The following CEP63 variants were observed in gnomAD, a reference collection of about 807,000 sequenced individuals.
The protein encoded by CEP63 is centrosomal protein 63.
Under a neutral mutation model 89.1 loss-of-function variants are expected in CEP63, and 84 were observed. That is an observed-to-expected ratio of 0.94 (90% confidence interval 0.79 to 1.13). The LOEUF (loss-of-function observed/expected upper bound fraction) is 1.13, where lower values mean the gene tolerates loss of function less well. CEP63 is among the 50% of genes most tolerant of loss of function. The pLI is 0.00. For synonymous variants in CEP63, 267 were observed against 272.5 expected, an observed-to-expected ratio of 0.98 and a Z score of 0.20; for missense variants, 838 against 813.3, an observed-to-expected ratio of 1.03 and a Z score of -0.37.
At chr3:134,486,707 C>T (rs1317119113) in intron 1 of CEP63, 1 of 215,916 alleles carries the variant, frequency 4.6e-6, no homozygotes, top group African/African-American at 2.3e-5. Flanking sequence ...GGGACCCGCT[C>T]ATTTAGTGTG....
At chr3:134,572,246 T>C (rs1187472267) in intron 11 of CEP63, among the ~76,000 whole-genome samples, 1 of 152,238 alleles carries the variant, frequency 6.6e-6, no homozygotes, top group Non-Finnish European at 1.5e-5. Context: ...TTAGTCTTTT[T>C]TTAAAAAATA....
intron 3 of CEP63, among the ~76,000 whole-genome samples, chr3:134,520,564 T>A (rs1305171973): frequency 1.3e-5 from 2 of 152,186 alleles, no homozygotes; most frequent in Non-Finnish European, 2.9e-5. Context: ...ATTCTCAAAT[T>A]TATATGGCAG....
At chr3:134,729,829 G>T in the CEP63 span, among the ~76,000 whole-genome samples, 5 of 152,170 alleles carry the variant, frequency 3.3e-5, no homozygotes, top group Non-Finnish European at 7.3e-5. Context: ...GGGGCAGGGC[G>T]GGTTGTGTGA....
At chr3:134,725,799 C>A in the CEP63 span, among the ~76,000 whole-genome samples, 1 of 152,158 alleles carries the variant, frequency 6.6e-6, no homozygotes, top group Non-Finnish European at 1.5e-5. Context: ...TTTCTGCTAC[C>A]TGGCGTTAGT....
At chr3:134,524,322 C>T (rs1041078074) in intron 3 of CEP63, among the ~76,000 whole-genome samples, 4 of 152,112 alleles carry the variant, frequency 2.6e-5, no homozygotes, top group Non-Finnish European at 4.4e-5. Context: ...AGGATCATGT[C>T]GTCTACAAAC....
the CEP63 span, among the ~76,000 whole-genome samples, chr3:134,716,991 T>A: frequency 6.6e-6 from 1 of 152,170 alleles, no homozygotes; most frequent in Non-Finnish European, 1.5e-5. Context: ...GGCTGCCAAA[T>A]CTGTGCCAGG....
rs751861638 is a variant in CEP63 at position 134,558,239 on chromosome 3, A to G, written c.1565A>G (p.Asn522Ser). 15 of 1,612,038 alleles carry G rather than the reference A, an allele frequency of 9.3e-6. No individual in the cohort carries two copies. The highest frequency in any genetic ancestry group is 7.7e-5 in the South Asian group (7 of 91,038). Residue 522 changes from asparagine to serine, a missense_variant, in exon 13 of 15, where the codon AAT (asparagine) becomes AGT (serine). Asn to Ser is a conservative substitution (Grantham distance 46). Coordinates refer to ENST00000675561, the MANE Select transcript of CEP63 (RefSeq NM_001353108.3). Reference protein sequence around the residue: ...ENQQLQKDLMNTKSQLEISTQ... With the variant: ...ENQQLQKDLMSTKSQLEISTQ... ...CAACAACTACAGAAAGATTTGATGA[A>G]TACCAAATCTCAGCTGGAGATTTCT...
At chr3:134,584,484 G>C (rs1958435446) in intron 10 of CEP63, among the ~76,000 whole-genome samples, 1 of 152,162 alleles carries the variant, frequency 6.6e-6, no homozygotes, top group African/African-American at 2.4e-5. Flanking sequence ...TACATTTGTT[G>C]ATTTGCATAT....
intron 14 of CEP63, 77 bp from the exon 15 acceptor site, chr3:134,561,300 A>AAAATG: frequency 7.1e-7 from 1 of 1,405,892 alleles, no homozygotes; most frequent in Non-Finnish European, 1.0e-6. Flanking sequence ...TGCTAGTTAG[A>AAAATG]AAATGTCATG....
At chr3:134,750,256 C>A in the CEP63 span, among the ~76,000 whole-genome samples, 75 of 152,338 alleles carry the variant, frequency 4.9e-4, no homozygotes, top group Admixed American at 4.2e-3. Context: ...GGGCCCCTGG[C>A]TGCAGTCTCT....
the CEP63 span, chr3:134,651,195 G>A: frequency 7.4e-7 from 1 of 1,344,608 alleles, no homozygotes; most frequent in Non-Finnish European, 9.6e-7. Context: ...ACCTTTGAAA[G>A]GAAATCCCCG....
chr3:134,497,857 G>C (rs1377116992), intron 2 of CEP63, among the ~76,000 whole-genome samples: 1 of 151,934 alleles, frequency 6.6e-6, no homozygotes, highest in Non-Finnish European at 1.5e-5. Context: ...TATGTTATTG[G>C]CACCTTTGTT....
the CEP63 span, chr3:134,607,411 C>T: frequency 4.1e-6 from 4 of 985,524 alleles, no homozygotes; most frequent in African/African-American, 7.0e-5. Flanking sequence ...CCCAGGGGCT[C>T]TGGGCCCACC....
At chr3:134,534,917 T>C (rs1301106065) in intron 5 of CEP63, among the ~76,000 whole-genome samples, 3 of 152,166 alleles carry the variant, frequency 2.0e-5, no homozygotes, top group African/African-American at 7.2e-5. Flanking sequence ...CTTCCAACTC[T>C]TGTGTCCACC....
Position 134,547,357 on chromosome 3 carries a change from G to A in CEP63, c.952G>A (p.Glu318Lys), listed in dbSNP as rs375298179. 8.7e-6 allele frequency: 14 copies of A among 1,613,640 alleles called. No homozygotes were observed. The highest frequency in any genetic ancestry group is 1.2e-5 in the Non-Finnish European group (14 of 1,179,670). The change falls in exon 9 of 15, where the codon GAA (glutamate) becomes AAA (lysine). Residue 318 changes from glutamate to lysine, a missense_variant. By Grantham distance (56) the Glu-to-Lys change is moderately conservative (BLOSUM62 1). Transcript: ENST00000675561. ...AIRPREESLA[E>K]KKYTSQGQGD... is the part of the protein sequence containing the mutation. ...TAGGCCACGGGAAGAATCTCTGGCA[G>A]AAAAGAAGTACACCTCTCAAGGGCA...
intron 5 of CEP63, chr3:134,536,197 A>G (rs1016191503): frequency 5.9e-5 from 9 of 152,262 alleles, no homozygotes; most frequent in Admixed American, 2.0e-4. Flanking sequence ...AACGTGTATT[A>G]CCATCTGCTA....
the CEP63 span, among the ~76,000 whole-genome samples, chr3:134,643,764 G>C: frequency 6.6e-6 from 1 of 151,924 alleles, no homozygotes; most frequent in Non-Finnish European, 1.5e-5. Flanking sequence ...TGTGGAGCAG[G>C]CTGGGAGGTT....
At chr3:134,605,970 C>T in the CEP63 span, among the ~76,000 whole-genome samples, 2 of 152,314 alleles carry the variant, frequency 1.3e-5, no homozygotes, top group South Asian at 4.1e-4. Context: ...TGTCTACATG[C>T]TTTCTCTACT....
chr3:134,561,336 T>C, intron 14 of CEP63, 41 bp from the exon 15 acceptor site: 4 of 1,521,974 alleles, frequency 2.6e-6, no homozygotes, highest in Non-Finnish European at 3.6e-6. Flanking sequence ...AAATATAATA[T>C]TCTACTTATT....
Sources: gnomAD v4.1 joint callset for allele counts (sites outside exome capture counted in the v4.1 genomes callset) on GRCh38, gnomAD v4.1.1 for gene constraint, MANE v1.5 for transcripts, NCBI Gene and HGNC (gene_info 2026-07-23, HGNC 2026-07-21) for gene names.